The following PKHD1 variants were observed in gnomAD, a reference collection of about 807,000 sequenced individuals.
The protein encoded by PKHD1 is fibrocystin.
PKHD1 carries 291 observed loss-of-function variants against 412.0 expected under a neutral mutation model. The ratio of observed to expected loss-of-function variants is 0.71; its 90% CI spans 0.64 to 0.78. The LOEUF (loss-of-function observed/expected upper bound fraction) is 0.78. PKHD1 is among the 30% of genes least tolerant of loss of function. The pLI, the probability that PKHD1 is intolerant of heterozygous loss-of-function variation, is 0.00. For missense variants in PKHD1, 4,825 were observed against 4,950.7 expected (o/e 0.97, Z 0.76); for synonymous variants, 1,777 against 1,821.5 (o/e 0.98, Z 0.62).
chr6:51,966,228 G>A (rs1792782978), intron 35 of PKHD1, among the ~76,000 whole-genome samples: 2 of 152,140 alleles, frequency 1.3e-5, no homozygotes, highest in South Asian at 4.1e-4. Context: ...ATACATTTTA[G>A]GGAGACATGA....
intron 48 of PKHD1, among the ~76,000 whole-genome samples, chr6:51,858,773 A>G (rs917362417): frequency 1.3e-5 from 2 of 152,240 alleles, no homozygotes; most frequent in Non-Finnish European, 1.5e-5. Context: ...AACAAGTGTT[A>G]TATGCATCAG....
intron 15 of PKHD1, 73 bp from the exon 16 acceptor site, chr6:52,058,674 C>G (rs1217144566): frequency 2.8e-6 from 4 of 1,418,506 alleles, no homozygotes; most frequent in Admixed American, 3.3e-5. Context: ...CACTAAGTGT[C>G]TGAACTGCTA....
In PKHD1 at chr6:51,897,147, C is replaced by T. The variant is rs1780213776; in HGVS notation, c.6996+6450G>A. ...AGCAAGGCAGGCCAACGTTCAGATT[C>T]AGGAAATAGAGAGAACGCCACAAAG... is the stretch of plus-strand genomic sequence containing the variant. On this transcript the variant is annotated intron_variant, in intron 43 of 66. Coordinates refer to ENST00000371117, the MANE Select transcript of PKHD1 (RefSeq NM_138694.4). 2.6e-5 allele frequency among the ~76,000 whole-genome samples: 4 copies of T among 152,088 alleles called. No individual in the cohort carries two copies. In the South Asian group the frequency reaches 8.3e-4, roughly 32 times the overall value.
intron 66 of PKHD1, among the ~76,000 whole-genome samples, chr6:51,621,353 A>G (rs1357235634): frequency 1.3e-5 from 2 of 152,220 alleles, no homozygotes; most frequent in African/African-American, 4.8e-5. Flanking sequence ...CCAAAGAACA[A>G]GAATAATAAA....
intron 43 of PKHD1, among the ~76,000 whole-genome samples, chr6:51,896,147 G>C (rs377469077): frequency 7.9e-5 from 12 of 152,280 alleles, no homozygotes; most frequent in East Asian, 7.7e-4. Context: ...CCGGAAGCTC[G>C]AACTGGGTGG....
At chr6:51,842,435 G>A (rs191027780) in intron 50 of PKHD1, among the ~76,000 whole-genome samples, 6 of 152,242 alleles carry the variant, frequency 3.9e-5, no homozygotes, top group Non-Finnish European at 8.8e-5. Flanking sequence ...AAAAGGACAG[G>A]GTCAAAAGTA....
At chr6:52,069,365 T>C (rs1055690139) in intron 11 of PKHD1, 92 bp downstream of exon 11, 3 of 892,402 alleles carry the variant, frequency 3.4e-6, no homozygotes, top group African/African-American at 3.3e-5. Context: ...CGGGTGTTAA[T>C]GGTCATCAAG....
chr6:52,083,703 T>C (rs1011697337), intron 2 of PKHD1, among the ~76,000 whole-genome samples: 9 of 152,186 alleles, frequency 5.9e-5, no homozygotes, highest in South Asian at 2.1e-4. Context: ...TTTCCAGTCC[T>C]GGAGAGAAAA....
chr6:51,873,586 G>A (rs1415770099), intron 46 of PKHD1, among the ~76,000 whole-genome samples: 1 of 152,124 alleles, frequency 6.6e-6, no homozygotes. Flanking sequence ...CTCCATAAAT[G>A]TTATATTTCC....
rs554902820 is a variant in PKHD1 at position 51,644,217 on chromosome 6, G to T, written c.11398+3814C>A. Among the ~76,000 whole-genome samples the T allele has an allele frequency of 2.0e-4, 30 of 151,986 alleles. No homozygotes were observed. In the South Asian group the frequency reaches 5.8e-3, roughly 30 times the overall value. Reference sequence around the variant, plus strand: ...AATGGTGACATTAAAAAAAAACTGAGATCTGAGATTAATTCATTGAAAACA... The same window carrying T: ...AATGGTGACATTAAAAAAAAACTGATATCTGAGATTAATTCATTGAAAACA... On this transcript the variant is annotated intron_variant, in intron 63 of 66. Coordinates refer to ENST00000371117, the MANE Select transcript of PKHD1 (RefSeq NM_138694.4).
chr6:51,964,228 C>A (rs116859810), intron 35 of PKHD1, among the ~76,000 whole-genome samples: 1 of 152,216 alleles, frequency 6.6e-6, no homozygotes, highest in East Asian at 1.9e-4. Flanking sequence ...TGAAAGAAGT[C>A]ATTGATCAGC....
Position 52,012,075 on chromosome 6 carries a change from G to A in PKHD1, c.5601-1616C>T, listed in dbSNP as rs376408263. On this transcript the variant is annotated intron_variant, in intron 34 of 66. Transcript: ENST00000371117. ...GAGGAGCACTGGCATGTAAAGCTTAGGCTCAGAAGCAGATCAGCTGGATCT... is the reference window on the plus strand; with the variant it reads ...GAGGAGCACTGGCATGTAAAGCTTAAGCTCAGAAGCAGATCAGCTGGATCT... Among the ~76,000 whole-genome samples, 178 of 152,342 alleles carry A rather than the reference G, an allele frequency of 1.2e-3. 4 individuals carry two copies. The South Asian group carries it at 0.036, about 31-fold the overall frequency.
intron 52 of PKHD1, among the ~76,000 whole-genome samples, chr6:51,810,479 C>G (rs1764528349): frequency 6.6e-6 from 1 of 151,962 alleles, no homozygotes; most frequent in South Asian, 2.1e-4. Context: ...GAAATTTTAC[C>G]CTCAGTATCC....
chr6:52,035,272 T>C (rs1023746753), intron 28 of PKHD1, among the ~76,000 whole-genome samples: 2 of 152,210 alleles, frequency 1.3e-5, no homozygotes, highest in Non-Finnish European at 1.5e-5. Flanking sequence ...TTGAAATATA[T>C]AAGCCTTGCA....
At chr6:51,712,926 T>C (rs1180658867) in intron 60 of PKHD1, among the ~76,000 whole-genome samples, 1 of 152,226 alleles carries the variant, frequency 6.6e-6, no homozygotes, top group South Asian at 2.1e-4. Context: ...CCAATGTGAC[T>C]GACAAAGCTT....
chr6:51,848,708 T>C (rs1771649347), intron 49 of PKHD1, among the ~76,000 whole-genome samples: 1 of 152,120 alleles, frequency 6.6e-6, no homozygotes, highest in Non-Finnish European at 1.5e-5. Flanking sequence ...AGATCAAAAG[T>C]GATTCTGTTC....
chr6:51,999,955 C>T (rs1456121836), intron 35 of PKHD1, among the ~76,000 whole-genome samples: 2 of 152,098 alleles, frequency 1.3e-5, no homozygotes, highest in Non-Finnish European at 2.9e-5. Context: ...CTATCTGAGA[C>T]CCTTCATACC....
intron 22 of PKHD1, among the ~76,000 whole-genome samples, chr6:52,049,879 G>A (rs918114599): frequency 3.3e-5 from 5 of 152,122 alleles, no homozygotes; most frequent in Non-Finnish European, 4.4e-5. Flanking sequence ...TTCTCAAAGC[G>A]TAGTCCCCAG....
chr6:52,020,837 A>T (rs780431893), intron 33 of PKHD1, among the ~76,000 whole-genome samples: 2 of 152,192 alleles, frequency 1.3e-5, no homozygotes, highest in Non-Finnish European at 2.9e-5. Context: ...AAATGGAGAA[A>T]TTAGTAGTAG....
Sources: allele counts gnomAD v4.1 joint callset (sites outside exome capture counted in the v4.1 genomes callset), GRCh38; gene constraint gnomAD v4.1.1; transcripts MANE v1.5; gene names NCBI Gene and HGNC (gene_info 2026-07-23, HGNC 2026-07-21).